MORC1: variants seen among roughly 807,000 people sequenced by gnomAD.
MORC1 encodes the protein MORC family CW-type zinc finger protein 1.
MORC1 carries 59 observed loss-of-function variants against 134.9 expected under a neutral mutation model. The ratio of observed to expected loss-of-function variants is 0.44; its 90% confidence interval spans 0.35 to 0.54. MORC1 has a LOEUF of 0.54. Ranked by LOEUF, MORC1 falls within the 20% of genes least tolerant of loss-of-function variation. The pLI is 0.00. For synonymous variants in MORC1, 395 were observed against 391.7 expected, an observed-to-expected ratio of 1.01 and a Z score of -0.10; for missense variants, 947 against 1,134.5, an observed-to-expected ratio of 0.83 and a Z score of 2.37.
At chr3:109,049,799 CAAAA>C (rs1447468677) in intron 14 of MORC1, among the ~76,000 whole-genome samples, 11 of 152,100 alleles carry the variant, frequency 7.2e-5, no homozygotes, top group African/African-American at 2.7e-4. Context: ...TCCAACAACT[CAAAA>C]GAAAGATGAG....
chr3:109,095,450 C>A (rs1576737928), intron 6 of MORC1, among the ~76,000 whole-genome samples: 1 of 152,188 alleles, frequency 6.6e-6, no homozygotes, highest in African/African-American at 2.4e-5. Context: ...AATTCCTACA[C>A]TGTAATTCTC....
chr3:109,064,609 C>CTA (rs1336651641), intron 9 of MORC1, among the ~76,000 whole-genome samples: 1 of 151,864 alleles, frequency 6.6e-6, no homozygotes, highest in Admixed American at 6.6e-5. Context: ...TTCAAGTAAA[C>CTA]TACAGTTCTG....
chr3:109,082,126 TC>T (rs1950532470), intron 8 of MORC1, among the ~76,000 whole-genome samples: 2 of 151,784 alleles, frequency 1.3e-5, no homozygotes, highest in Admixed American at 1.3e-4. Context: ...TGCTGGGGAA[TC>T]CCCCTTAGGA....
chr3:109,082,794 G>A (rs946772226), intron 8 of MORC1, among the ~76,000 whole-genome samples: 5 of 151,912 alleles, frequency 3.3e-5, no homozygotes, highest in South Asian at 2.1e-4. Context: ...AAATTACCTC[G>A]AAAGACCAAT....
intron 11 of MORC1, among the ~76,000 whole-genome samples, chr3:109,061,101 A>T (rs1456779882): frequency 6.6e-6 from 1 of 152,136 alleles, no homozygotes; most frequent in South Asian, 2.1e-4. Flanking sequence ...AGGACCTTAG[A>T]TATGAAAGGT....
At chr3:109,095,262 C>T (rs1950811280) in intron 6 of MORC1, among the ~76,000 whole-genome samples, 194 bp from the exon 7 acceptor site, 1 of 152,144 alleles carries the variant, frequency 6.6e-6, no homozygotes, top group Non-Finnish European at 1.5e-5. Flanking sequence ...TTTTAAAATA[C>T]TCCATTGTGG....
intron 22 of MORC1, among the ~76,000 whole-genome samples, chr3:108,985,002 A>T (rs915500515): frequency 6.6e-6 from 1 of 152,236 alleles, no homozygotes; most frequent in African/African-American, 2.4e-5. Context: ...TAGTTATCCA[A>T]GAGAGTGTAG....
chr3:109,103,021 T>C (rs4330259), intron 4 of MORC1, among the ~76,000 whole-genome samples: 6,932 of 152,284 alleles, frequency 0.046, 446 homozygotes, highest in African/African-American at 0.15. Context: ...TGAAATAAGA[T>C]ATTTGCCATA....
At chr3:109,008,110 TA>T (rs757696458) in intron 17 of MORC1, among the ~76,000 whole-genome samples, 5 of 152,226 alleles carry the variant, frequency 3.3e-5, no homozygotes, top group African/African-American at 7.2e-5. Flanking sequence ...AAGAGCTTCT[TA>T]TTCTTTTACA....
intron 8 of MORC1, among the ~76,000 whole-genome samples, chr3:109,087,052 T>TA (rs1950627856): frequency 6.6e-6 from 1 of 152,018 alleles, no homozygotes; most frequent in Admixed American, 6.6e-5. Context: ...TTTACCTGTT[T>TA]ATGAAAGTTT....
At chr3:108,987,038 G>A in intron 21 of MORC1, 89 bp from the exon 22 acceptor site, 1 of 933,386 alleles carries the variant, frequency 1.1e-6, no homozygotes, top group Non-Finnish European at 1.5e-6. Flanking sequence ...AGTGTCCCCA[G>A]CAGAAAAGAA....
chr3:109,031,147 A>C (rs1312860081), intron 16 of MORC1, among the ~76,000 whole-genome samples: 1 of 152,176 alleles, frequency 6.6e-6, no homozygotes, highest in Non-Finnish European at 1.5e-5. Flanking sequence ...ACAGCTTCCC[A>C]GTTCTGTAGG....
chr3:109,114,880 G>GA (rs1172266059), intron 1 of MORC1, among the ~76,000 whole-genome samples: 1 of 152,208 alleles, frequency 6.6e-6, no homozygotes, highest in Admixed American at 6.5e-5. Context: ...GAACTGGCAG[G>GA]AAGCCCTTGC....
intron 8 of MORC1, among the ~76,000 whole-genome samples, chr3:109,082,109 C>T (rs1950532046): frequency 6.6e-6 from 1 of 152,090 alleles, no homozygotes; most frequent in Non-Finnish European, 1.5e-5. Flanking sequence ...AGCCAACCTT[C>T]CCACACTGCT....
chr3:109,052,325 T>C (rs964772483), intron 14 of MORC1, among the ~76,000 whole-genome samples: 1 of 152,198 alleles, frequency 6.6e-6, no homozygotes, highest in African/African-American at 2.4e-5. Context: ...ATTACATAGG[T>C]ATACTCTTCA....
rs759635346 is a variant in MORC1 at position 109,093,498 on chromosome 3, T to G, written c.627A>C (p.Gly209=). 2 of 1,613,860 alleles carry G rather than the reference T, an allele frequency of 1.2e-6. No homozygotes were observed. The highest frequency in any genetic ancestry group is 2.2e-5 in the South Asian group (2 of 91,052). ...CAGTTTTAACATCCAACTCTGGTTC[T>G]CCATTAAGCAGAAGCTTCAAGTTAT... ...VIYNLKLLLN[G]EPELDVKTDK... Residue 209 remains glycine (G), a synonymous_variant, in exon 8 of 28, where the codon GGA becomes GGC. Transcript: ENST00000232603.
chr3:109,031,831 T>C (rs185814790), intron 16 of MORC1, among the ~76,000 whole-genome samples: 1 of 152,186 alleles, frequency 6.6e-6, no homozygotes, highest in East Asian at 1.9e-4. Flanking sequence ...CTGTGACAAG[T>C]TTTTATTTGG....
At chr3:109,052,398 A>G (rs1284118292) in intron 14 of MORC1, among the ~76,000 whole-genome samples, 1 of 152,172 alleles carries the variant, frequency 6.6e-6, no homozygotes, top group Non-Finnish European at 1.5e-5. Flanking sequence ...AAAAATGCAG[A>G]TTTTAATTCA....
rs749399375 is a variant in MORC1, at chr3:109,004,887, C to G, written c.2015G>C (p.Arg672Thr). 6 of 1,612,784 alleles carry G rather than the reference C, an allele frequency of 3.7e-6. No homozygotes were observed. In the South Asian group the frequency reaches 5.5e-5, roughly 15 times the overall value. Residue 672 changes from arginine to threonine, a missense_variant and splice_region_variant, in exon 20 of 28, where the codon AGA (arginine) becomes ACA (threonine). Physicochemically the swap from Arg to Thr is moderately conservative, Grantham distance 71 (BLOSUM62 -1). Coordinates refer to ENST00000232603, the MANE Select transcript of MORC1 (RefSeq NM_014429.4). The stretch of plus-strand genomic sequence containing the variant: ...AGTGGTAATATTAGCAATCTGACTT[C>G]TCTTTCAAAACAGAGAATACAGAAA... ...ENVKLAERSQ[R>T]SQIANITTVW...
Sources: gnomAD v4.1 joint callset for allele counts (sites outside exome capture counted in the v4.1 genomes callset) on GRCh38, gnomAD v4.1.1 for gene constraint, MANE v1.5 for transcripts, NCBI Gene and HGNC (gene_info 2026-07-23, HGNC 2026-07-21) for gene names.